SLC4A7: variants seen among roughly 807,000 people sequenced by gnomAD.
The protein encoded by SLC4A7 is sodium bicarbonate cotransporter 3.
In SLC4A7, 51 loss-of-function variants were observed where a neutral mutation model predicts 137.6. The observed-to-expected ratio is 0.37, with a 90% CI of 0.30 to 0.47. SLC4A7 has a LOEUF of 0.47. SLC4A7 is among the 20% of genes least tolerant of loss of function. The probability of loss-of-function intolerance (pLI) is 1.00; values close to 1 mark genes in which losing one functional copy is unlikely to be tolerated. For synonymous variants in SLC4A7, 542 were observed against 518.6 expected (o/e 1.05, Z -0.61); for missense variants, 1,247 against 1,525.4 (o/e 0.82, Z 3.04).
At chr3:27,404,757 A>C (rs1455839279) in intron 14 of SLC4A7, 73 bp downstream of exon 14, 46 of 1,277,490 alleles carry the variant, frequency 3.6e-5, no homozygotes, top group Non-Finnish European at 4.8e-5. Flanking sequence ...TAAGCAATTA[A>C]ATAATTCCCT....
intron 11 of SLC4A7, 22 bp from the exon 12 acceptor site, chr3:27,411,770 AT>A: frequency 7.4e-7 from 1 of 1,347,926 alleles, no homozygotes; most frequent in Admixed American, 2.4e-5. Flanking sequence ...AAAAAACATT[AT>A]TTTCAGAATT....
intron 1 of SLC4A7, among the ~76,000 whole-genome samples, chr3:27,463,228 C>A (rs1409373711): frequency 6.6e-6 from 1 of 152,186 alleles, no homozygotes; most frequent in Non-Finnish European, 1.5e-5. Flanking sequence ...GAGATCCAGA[C>A]CATCCTAGTT....
chr3:27,399,422 G>A (rs780939107), intron 16 of SLC4A7, among the ~76,000 whole-genome samples: 5 of 152,044 alleles, frequency 3.3e-5, no homozygotes, highest in Admixed American at 6.6e-5. Context: ...AGTAAAGCAT[G>A]AATCTATGTT....
At chr3:27,429,291 CT>C (rs1209164531) in intron 7 of SLC4A7, among the ~76,000 whole-genome samples, 1 of 151,996 alleles carries the variant, frequency 6.6e-6, no homozygotes, top group Non-Finnish European at 1.5e-5. Flanking sequence ...AGTTATAAAC[CT>C]TTTCTCCACT....
At chr3:27,394,188 A>G (rs1307754299) in intron 20 of SLC4A7, among the ~76,000 whole-genome samples, 1 of 148,328 alleles carries the variant, frequency 6.7e-6, no homozygotes, top group Non-Finnish European at 1.5e-5. Context: ...CTGGCTAATT[A>G]TTTTTATTTT....
At chr3:27,443,002 C>T (rs573184024) in intron 3 of SLC4A7, among the ~76,000 whole-genome samples, 2 of 150,804 alleles carry the variant, frequency 1.3e-5, no homozygotes, top group Admixed American at 6.6e-5. Flanking sequence ...CATTAGCCAC[C>T]GCGCTGGGCA....
intron 1 of SLC4A7, among the ~76,000 whole-genome samples, chr3:27,459,990 TACACACAC>T (rs1160172651): frequency 1.1e-5 from 1 of 90,044 alleles, no homozygotes; most frequent in Non-Finnish European, 2.2e-5. Context: ...TATATATATA[TACACACAC>T]ACACACACAC....
intron 3 of SLC4A7, among the ~76,000 whole-genome samples, chr3:27,447,320 A>T (rs568004288): frequency 1.1e-3 from 165 of 152,324 alleles, no homozygotes; most frequent in Admixed American, 3.5e-3. Flanking sequence ...GTTAAACATA[A>T]GACCATTTGT....
intron 1 of SLC4A7, among the ~76,000 whole-genome samples, chr3:27,465,027 C>T (rs1255472138): frequency 6.6e-6 from 1 of 151,900 alleles, no homozygotes; most frequent in Non-Finnish European, 1.5e-5. Flanking sequence ...GTGACAAGAA[C>T]CCGGTTTTTT....
intron 18 of SLC4A7, among the ~76,000 whole-genome samples, chr3:27,395,822 G>T (rs2052095177): frequency 6.6e-6 from 1 of 152,100 alleles, no homozygotes; most frequent in South Asian, 2.1e-4. Context: ...ATTCATATAA[G>T]GTGAAATCAA....
At chr3:27,385,831 C>A (rs1309195098) in intron 23 of SLC4A7, 61 bp downstream of exon 23, 1 of 1,148,972 alleles carries the variant, frequency 8.7e-7, no homozygotes, top group Admixed American at 2.5e-5. Flanking sequence ...ATGGTGCCTG[C>A]AATATGGTGC....
intron 8 of SLC4A7, among the ~76,000 whole-genome samples, chr3:27,423,310 T>C (rs1456954924): frequency 6.6e-6 from 1 of 152,182 alleles, no homozygotes; most frequent in East Asian, 1.9e-4. Context: ...TAAAATACCA[T>C]GAGCATCTGG....
At chr3:27,438,770 A>G (rs1248554804) in intron 3 of SLC4A7, among the ~76,000 whole-genome samples, 2 of 152,114 alleles carry the variant, frequency 1.3e-5, no homozygotes, top group Non-Finnish European at 2.9e-5. Flanking sequence ...GTAAAGTTAA[A>G]GAGTGAAAAA....
At chr3:27,459,555 T>C (rs575956537) in intron 1 of SLC4A7, among the ~76,000 whole-genome samples, 1 of 152,318 alleles carries the variant, frequency 6.6e-6, no homozygotes, top group East Asian at 1.9e-4. Context: ...GTCTCTTCAC[T>C]CCATTTTCAG....
chr3:27,443,717 A>C (rs1323194491), intron 3 of SLC4A7, among the ~76,000 whole-genome samples: 1 of 152,246 alleles, frequency 6.6e-6, no homozygotes, highest in African/African-American at 2.4e-5. Context: ...CACTCTGCAC[A>C]GTACCATGCA....
chr3:27,398,952 T>A (rs955927807), intron 16 of SLC4A7, among the ~76,000 whole-genome samples: 1 of 150,400 alleles, frequency 6.6e-6, no homozygotes, highest in South Asian at 2.1e-4. Flanking sequence ...AGTAACGTAA[T>A]AATATAGCAT....
chr3:27,394,798 G>GT (rs1282944788), intron 19 of SLC4A7, 29 bp from the exon 20 acceptor site: 2 of 1,607,346 alleles, frequency 1.2e-6, no homozygotes, highest in Non-Finnish European at 1.7e-6. Flanking sequence ...ATAAATATCT[G>GT]TAAGTCTAAA....
intron 1 of SLC4A7, among the ~76,000 whole-genome samples, chr3:27,470,013 T>C (rs191596489): frequency 2.8e-4 from 43 of 152,330 alleles, no homozygotes; most frequent in Admixed American, 7.8e-4. Context: ...GGCATACATA[T>C]AAAACATAAG....
chr3:27,444,707 A>G (rs578252828), intron 3 of SLC4A7, among the ~76,000 whole-genome samples: 1 of 152,034 alleles, frequency 6.6e-6, no homozygotes, highest in South Asian at 2.1e-4. Flanking sequence ...ATTCTTCTCT[A>G]TCCTTTTGAG....
Sources: gnomAD v4.1 joint callset for allele counts (sites outside exome capture counted in the v4.1 genomes callset) on GRCh38, gnomAD v4.1.1 for gene constraint, MANE v1.5 for transcripts, NCBI Gene and HGNC (gene_info 2026-07-23, HGNC 2026-07-21) for gene names.